The following NR3C1 variants were observed in gnomAD, a reference collection of about 807,000 sequenced individuals.
NR3C1 encodes the protein glucocorticoid receptor.
NR3C1 carries 14 observed loss-of-function variants against 74.0 expected under a neutral mutation model. The ratio of observed to expected loss-of-function variants is 0.19; its 90% CI spans 0.12 to 0.30. NR3C1 has a LOEUF of 0.30. Among genes scored for constraint, NR3C1 ranks in the 10% least tolerant of loss-of-function variants. The probability of loss-of-function intolerance (pLI) is 1.00; values close to 1 mark genes in which losing one functional copy is unlikely to be tolerated. For missense variants in NR3C1, 695 were observed against 909.8 expected (o/e 0.76, Z 3.04); for synonymous variants, 308 against 332.5 (o/e 0.93, Z 0.80).
chr5:143,347,650 C>T (rs1829542102), intron 2 of NR3C1, among the ~76,000 whole-genome samples: 1 of 152,182 alleles, frequency 6.6e-6, no homozygotes, highest in African/African-American at 2.4e-5. Flanking sequence ...CTACTTCCTT[C>T]CCCAGTAAAG....
At chr5:143,377,149 T>A (rs1027404093) in intron 2 of NR3C1, among the ~76,000 whole-genome samples, 1 of 152,250 alleles carries the variant, frequency 6.6e-6, no homozygotes, top group African/African-American at 2.4e-5. Flanking sequence ...AGTATTCCAC[T>A]GTAACCTTTC....
intron 4 of NR3C1, among the ~76,000 whole-genome samples, chr5:143,306,928 G>A (rs1229264768): frequency 4.9e-5 from 6 of 121,456 alleles, no homozygotes; most frequent in African/African-American, 1.0e-4. Context: ...ACGGAGTCTC[G>A]CTCTGTCGCC....
At chr5:143,420,019 A>C (rs35515833) in intron 1 of NR3C1, among the ~76,000 whole-genome samples, 1 of 152,042 alleles carries the variant, frequency 6.6e-6, no homozygotes, top group Non-Finnish European at 1.5e-5. Context: ...AGAATTCAGC[A>C]ATATTTCTCC....
intron 7 of NR3C1, among the ~76,000 whole-genome samples, chr5:143,290,406 C>T (rs1270422856): frequency 6.6e-6 from 1 of 152,216 alleles, no homozygotes; most frequent in Non-Finnish European, 1.5e-5. Flanking sequence ...CCATCTGGCC[C>T]TTTACAGAAA....
At chr5:143,292,492 C>G (rs1183117294) in intron 7 of NR3C1, among the ~76,000 whole-genome samples, 1 of 152,094 alleles carries the variant, frequency 6.6e-6, no homozygotes, top group African/African-American at 2.4e-5. Flanking sequence ...CCTTACAGGG[C>G]AGGCCTTTTG....
In NR3C1 at chr5:143,372,551, C is replaced by T. The variant is rs137876218; in HGVS notation, c.1184+27105G>A. Among the ~76,000 whole-genome samples, 24 of 152,272 alleles carry T rather than the reference C, an allele frequency of 1.6e-4. No homozygotes were observed. The South Asian group carries it at 2.1e-3, about 13-fold the overall frequency. The stretch of plus-strand genomic sequence containing the variant: ...AATATTTTCAGAACACAGTTGACTG[C>T]GGGTAACTGAAACCTTGGAAAGCAA... On this transcript the variant is annotated intron_variant, in intron 2 of 8. Coordinates refer to ENST00000394464, the MANE Select transcript of NR3C1 (RefSeq NM_000176.3).
intron 2 of NR3C1, among the ~76,000 whole-genome samples, chr5:143,333,983 A>C (rs1250595644): frequency 6.6e-6 from 1 of 152,226 alleles, no homozygotes; most frequent in Non-Finnish European, 1.5e-5. Flanking sequence ...TTTATCAGTG[A>C]AGTGGAAGCA....
At chr5:143,352,643 C>T (rs1830436166) in intron 2 of NR3C1, among the ~76,000 whole-genome samples, 1 of 152,124 alleles carries the variant, frequency 6.6e-6, no homozygotes, top group African/African-American at 2.4e-5. Flanking sequence ...TTTGGTTTCC[C>T]ACTACATATA....
At chr5:143,392,173 G>A (rs1838360234) in intron 2 of NR3C1, among the ~76,000 whole-genome samples, 1 of 152,072 alleles carries the variant, frequency 6.6e-6, no homozygotes, top group Non-Finnish European at 1.5e-5. Context: ...CACCGTGTTA[G>A]CCAGGATGGT....
chr5:143,417,713 TC>T (rs1750981944), intron 1 of NR3C1, among the ~76,000 whole-genome samples: 1 of 152,054 alleles, frequency 6.6e-6, no homozygotes, highest in South Asian at 2.1e-4. Context: ...TACACTAACT[TC>T]CTTCAAACGA....
chr5:143,344,598 C>T (rs911072526), intron 2 of NR3C1, among the ~76,000 whole-genome samples: 18 of 152,240 alleles, frequency 1.2e-4, no homozygotes, highest in African/African-American at 3.9e-4. Context: ...GCTGACTGGG[C>T]GCGGTAGCTC....
chr5:143,296,605 G>A (rs1410088627), intron 6 of NR3C1, among the ~76,000 whole-genome samples: 1 of 149,782 alleles, frequency 6.7e-6, no homozygotes, highest in Non-Finnish European at 1.5e-5. Flanking sequence ...ACTCATTCTT[G>A]TTGGCTGTAA....
chr5:143,319,549 C>T (rs962326213), intron 2 of NR3C1, among the ~76,000 whole-genome samples: 1 of 152,086 alleles, frequency 6.6e-6, no homozygotes, highest in Admixed American at 6.6e-5. Flanking sequence ...GTCCAAACAC[C>T]GTAACACAGT....
chr5:143,304,974 G>T (rs529514349), intron 4 of NR3C1, among the ~76,000 whole-genome samples: 1 of 152,084 alleles, frequency 6.6e-6, no homozygotes, highest in Non-Finnish European at 1.5e-5. Flanking sequence ...TAACCTTCTC[G>T]ACATTGGCCT....
upstream of NR3C1, among the ~76,000 whole-genome samples, chr5:143,408,362 A>G (rs1841183037): frequency 6.6e-6 from 1 of 152,224 alleles, no homozygotes; most frequent in African/African-American, 2.4e-5. Context: ...AAGTGCTTAG[A>G]CGAATTCCTG....
chr5:143,431,708 G>A (rs1751835065), intron 1 of NR3C1, among the ~76,000 whole-genome samples: 1 of 152,310 alleles, frequency 6.6e-6, no homozygotes, highest in South Asian at 2.1e-4. Context: ...TTAGCAGAGA[G>A]TGGGGGTTAT....
intron 1 of NR3C1, among the ~76,000 whole-genome samples, chr5:143,426,035 A>G (rs1751510353): frequency 6.6e-6 from 1 of 152,228 alleles, no homozygotes; most frequent in Non-Finnish European, 1.5e-5. Flanking sequence ...TTATTCAGCC[A>G]TAACAGGAAA....
intron 7 of NR3C1, among the ~76,000 whole-genome samples, chr5:143,287,378 A>C (rs1274921134): frequency 1.3e-5 from 2 of 152,134 alleles, no homozygotes; most frequent in African/African-American, 4.8e-5. Context: ...ACAAAACTTA[A>C]AGGATTACAA....
At chr5:143,426,985 T>A (rs563410111) in intron 1 of NR3C1, among the ~76,000 whole-genome samples, 33 of 152,324 alleles carry the variant, frequency 2.2e-4, no homozygotes, top group African/African-American at 7.9e-4. Flanking sequence ...AGTCCATAAA[T>A]CATACAGACT....
Sources: allele counts gnomAD v4.1 joint callset (sites outside exome capture counted in the v4.1 genomes callset), GRCh38; gene constraint gnomAD v4.1.1; transcripts MANE v1.5; gene names NCBI Gene and HGNC (gene_info 2026-07-23, HGNC 2026-07-21).